Variants in TMEM135 observed in about 807,000 individuals in gnomAD.
The protein encoded by TMEM135 is peroxisomal membrane protein 52.
A neutral mutation model predicts 60.3 loss-of-function variants in TMEM135; 30 were observed. The ratio of observed to expected loss-of-function variants is 0.50; its 90% CI spans 0.37 to 0.68. The LOEUF is 0.68. TMEM135 is among the 30% of genes least tolerant of loss of function. The pLI is 0.00. For missense variants in TMEM135, 468 were observed against 548.8 expected (o/e 0.85, Z 1.47); for synonymous variants, 190 against 186.7 (o/e 1.02, Z -0.14).
intron 4 of TMEM135, among the ~76,000 whole-genome samples, chr11:87,146,068 GTT>G (rs1343796282): frequency 6.6e-6 from 1 of 152,188 alleles, no homozygotes; most frequent in African/African-American, 2.4e-5. Context: ...TCAGGCCTAT[GTT>G]TAAGTCTTTA....
Position 87,037,941 on chromosome 11 carries a change from A to G in TMEM135, c.-105A>G, listed in dbSNP as rs767153397. ...TCGTGACCTTTCCCCTCCATTCCGCACCTCCGAGTGCTGGCCGGGCGAGAG... is the reference window on the plus strand; with the variant it reads ...TCGTGACCTTTCCCCTCCATTCCGCGCCTCCGAGTGCTGGCCGGGCGAGAG... On this transcript the variant is annotated 5_prime_UTR_variant, in exon 1 of 15. Coordinates refer to ENST00000305494, the MANE Select transcript of TMEM135 (RefSeq NM_022918.4). The G allele has an allele frequency of 1.6e-5, 24 of 1,542,532 alleles. No individual in the cohort carries two copies. The Admixed American group carries it at 3.8e-4, about 25-fold the overall frequency.
intron 4 of TMEM135, among the ~76,000 whole-genome samples, chr11:87,134,172 T>C (rs1938021074): frequency 6.6e-6 from 1 of 152,192 alleles, no homozygotes; most frequent in South Asian, 2.1e-4. Context: ...GTTGGTTTTT[T>C]CTGAGGCCTC....
intron 5 of TMEM135, among the ~76,000 whole-genome samples, chr11:87,173,635 C>G (rs1372897150): frequency 6.6e-6 from 1 of 152,114 alleles, no homozygotes; most frequent in Non-Finnish European, 1.5e-5. Flanking sequence ...TAGAATTAGC[C>G]TGTTCTAAAT....
At chr11:87,144,478 C>T (rs1301774161) in intron 4 of TMEM135, among the ~76,000 whole-genome samples, 2 of 152,140 alleles carry the variant, frequency 1.3e-5, no homozygotes, top group Non-Finnish European at 2.9e-5. Context: ...AAACAGGTGG[C>T]AGGCTGAATT....
At chr11:87,063,070 C>T (rs1405133669) in intron 1 of TMEM135, among the ~76,000 whole-genome samples, 1 of 152,152 alleles carries the variant, frequency 6.6e-6, no homozygotes, top group Non-Finnish European at 1.5e-5. Context: ...TGTAGAAAGT[C>T]TGGAACGTAT....
intron 3 of TMEM135, among the ~76,000 whole-genome samples, chr11:87,083,320 CTTCTT>C (rs1857028691): frequency 6.6e-6 from 1 of 152,074 alleles, no homozygotes. Flanking sequence ...AAGAACTAGT[CTTCTT>C]TTTCTTTTTC....
intron 1 of TMEM135, among the ~76,000 whole-genome samples, chr11:87,062,665 A>G (rs1487035591): frequency 6.6e-6 from 1 of 151,384 alleles, no homozygotes; most frequent in African/African-American, 2.4e-5. Flanking sequence ...GGATTTCACC[A>G]TCTTGGCCAG....
chr11:87,188,427 C>T (rs755223403), intron 5 of TMEM135, among the ~76,000 whole-genome samples: 1 of 151,946 alleles, frequency 6.6e-6, no homozygotes, highest in Non-Finnish European at 1.5e-5. Context: ...GCGGCCTGGG[C>T]GTGGTAGCTC....
chr11:87,115,455 C>T (rs1025992633), intron 4 of TMEM135, among the ~76,000 whole-genome samples: 1 of 152,074 alleles, frequency 6.6e-6, no homozygotes, highest in African/African-American at 2.4e-5. Context: ...TCCCCCTACC[C>T]CACCTAATGC....
At chr11:87,289,437 CTTTTTTTTT>C (rs376999371) in intron 6 of TMEM135, among the ~76,000 whole-genome samples, 2 of 87,578 alleles carry the variant, frequency 2.3e-5, no homozygotes, top group African/African-American at 5.9e-5. Context: ...ATCTCCATAT[CTTTTTTTTT>C]TTTTTTTTTT....
intron 5 of TMEM135, among the ~76,000 whole-genome samples, chr11:87,229,191 A>G (rs555115782): frequency 2.0e-5 from 3 of 152,184 alleles, no homozygotes; most frequent in African/African-American, 7.2e-5. Flanking sequence ...AACCATCCAT[A>G]TTTTTGTTGA....
intron 4 of TMEM135, among the ~76,000 whole-genome samples, chr11:87,131,819 A>C (rs1937940849): frequency 6.6e-6 from 1 of 152,222 alleles, no homozygotes; most frequent in Non-Finnish European, 1.5e-5. Context: ...GGTGAATGGC[A>C]GGCTAATGAG....
chr11:87,091,502 A>G, intron 4 of TMEM135, 107 bp downstream of exon 4: 7 of 1,092,622 alleles, frequency 6.4e-6, no homozygotes, highest in Non-Finnish European at 9.6e-6. Flanking sequence ...ATTTGAGGAT[A>G]ATCTTCTCTG....
At chr11:87,275,162 A>G (rs1368506569) in intron 6 of TMEM135, among the ~76,000 whole-genome samples, 1 of 152,150 alleles carries the variant, frequency 6.6e-6, no homozygotes, top group Non-Finnish European at 1.5e-5. Flanking sequence ...AAAGAACTAA[A>G]TATAAAAATG....
chr11:87,295,377 G>A (rs1412616267), intron 6 of TMEM135, among the ~76,000 whole-genome samples: 3 of 152,178 alleles, frequency 2.0e-5, no homozygotes, highest in Non-Finnish European at 4.4e-5. Flanking sequence ...TAGGTAGGGC[G>A]AAGTCAGGAC....
chr11:87,189,870 T>A (rs998134770), intron 5 of TMEM135, among the ~76,000 whole-genome samples: 2 of 151,988 alleles, frequency 1.3e-5, no homozygotes, highest in Non-Finnish European at 2.9e-5. Context: ...TGAGCCTTGA[T>A]CATGCTTTGC....
intron 5 of TMEM135, among the ~76,000 whole-genome samples, chr11:87,204,269 A>ATT (rs143351546): frequency 4.0e-5 from 6 of 151,352 alleles, no homozygotes; most frequent in South Asian, 2.1e-4. Context: ...TATTCGTACA[A>ATT]TTTTTTTTTA....
At position 87,302,381 on chromosome 11, in the gene TMEM135, C is replaced by A; in HGVS notation, c.637C>A (p.His213Asn). Residue 213 changes from histidine (H) to asparagine (N), a missense_variant, in exon 8 of 15, where the codon CAT (histidine) becomes AAT (asparagine). Transcript: ENST00000305494. Reference protein sequence around the residue: ...YAKVEQKREQHEEKPGRMNMI... With the variant: ...YAKVEQKREQNEEKPGRMNMI... ...AAAAGTGGAACAAAAGAGAGAGCAA[C>A]ATGAGGAAAAACCCGGAAGAATGAA... is the stretch of plus-strand genomic sequence containing the variant. 1 of 1,613,812 alleles carries A rather than the reference C, an allele frequency of 6.2e-7. No homozygotes were observed. Among genetic ancestry groups the A allele is most frequent in the Non-Finnish European group, 8.5e-7 (1 of 1,179,904 alleles).
chr11:87,284,689 T>C (rs1309552133), intron 6 of TMEM135, among the ~76,000 whole-genome samples: 1 of 152,224 alleles, frequency 6.6e-6, no homozygotes, highest in Non-Finnish European at 1.5e-5. Flanking sequence ...TTTAATACAC[T>C]GGGGAATTTC....
Sources: allele counts gnomAD v4.1 joint callset (sites outside exome capture counted in the v4.1 genomes callset), GRCh38; gene constraint gnomAD v4.1.1; transcripts MANE v1.5; gene names NCBI Gene and HGNC (gene_info 2026-07-23, HGNC 2026-07-21).